ANK2: variants seen among roughly 807,000 people sequenced by gnomAD.
The protein encoded by ANK2 is ankyrin 2.
A neutral mutation model predicts 360.5 loss-of-function variants in ANK2; 83 were observed. The ratio of observed to expected loss-of-function variants is 0.23; its 90% CI spans 0.19 to 0.28. The LOEUF is 0.28. Among genes scored for constraint, ANK2 ranks in the 10% least tolerant of loss-of-function variants. The pLI, the probability that ANK2 is intolerant of heterozygous loss-of-function variation, is 1.00. For missense variants in ANK2, 4,201 were observed against 4,795.7 expected, an observed-to-expected ratio of 0.88 and a Z score of 3.66; for synonymous variants, 1,740 against 1,759.5, an observed-to-expected ratio of 0.99 and a Z score of 0.28.
chr4:112,962,344 CTCCA>C, intron 2 of ANK2, among the ~76,000 whole-genome samples: 1 of 152,232 alleles, frequency 6.6e-6, no homozygotes, highest in Non-Finnish European at 1.5e-5. Flanking sequence ...TGGGCTCCAT[CTCCA>C]TCCATGTTGC....
chr4:112,847,933 C>T (rs996746346), intron 1 of ANK2, among the ~76,000 whole-genome samples: 3 of 152,146 alleles, frequency 2.0e-5, no homozygotes, highest in African/African-American at 7.2e-5. Flanking sequence ...TTGCTTCTCT[C>T]ACACATGGCT....
chr4:113,127,914 C>T (rs1245863727), intron 1 of ANK2, among the ~76,000 whole-genome samples: 2 of 151,616 alleles, frequency 1.3e-5, no homozygotes, highest in Non-Finnish European at 2.9e-5. Context: ...TATCAGCACT[C>T]AACTAGGAAT....
At chr4:113,311,479 G>A (rs751762329) in intron 24 of ANK2, 80 bp downstream of exon 24, 29 of 1,539,646 alleles carry the variant, frequency 1.9e-5, no homozygotes, top group Non-Finnish European at 2.6e-5. Context: ...AAATGTAGAT[G>A]CAATTATTGA....
chr4:113,170,041 C>T (rs76677347), intron 1 of ANK2, among the ~76,000 whole-genome samples: 3,639 of 152,154 alleles, frequency 0.024, 65 homozygotes, highest in Non-Finnish European at 0.033. Flanking sequence ...ACAAACTATT[C>T]TTAATAACTT....
At chr4:112,945,523 C>T (rs908330130) in intron 2 of ANK2, among the ~76,000 whole-genome samples, 7 of 152,130 alleles carry the variant, frequency 4.6e-5, no homozygotes, top group South Asian at 2.1e-4. Flanking sequence ...TTCTAAGAAG[C>T]GGACTTGGGA....
chr4:112,735,101 C>G, the ANK2 span, among the ~76,000 whole-genome samples: 1 of 152,120 alleles, frequency 6.6e-6, no homozygotes, highest in African/African-American at 2.4e-5. Flanking sequence ...ATTTAAAATT[C>G]TGGCCAAGTG....
rs900614404 is a variant in ANK2 at position 113,158,200 on chromosome 4, G to C, written c.85-16216G>C. On this transcript the variant is annotated intron_variant, in intron 1 of 45. Transcript: ENST00000357077. ...GAAAAAATTCAAACATTTCAGTGAG[G>C]AATCACTGAAACTGAATAAATACAT... is the stretch of plus-strand genomic sequence containing the variant. 5.3e-5 allele frequency among the ~76,000 whole-genome samples: 8 copies of C among 152,140 alleles called. No homozygotes were observed. In the East Asian group the frequency reaches 1.5e-3, roughly 29 times the overall value.
At chr4:113,366,905 C>T (rs2096559306) in intron 41 of ANK2, among the ~76,000 whole-genome samples, 1 of 152,110 alleles carries the variant, frequency 6.6e-6, no homozygotes, top group Admixed American at 6.5e-5. Flanking sequence ...GCACTTATTA[C>T]ATAGTTGGTG....
intron 4 of ANK2, among the ~76,000 whole-genome samples, chr4:113,211,054 A>G (rs918372593): frequency 4.6e-5 from 7 of 152,236 alleles, no homozygotes; most frequent in Non-Finnish European, 8.8e-5. Context: ...AACAAAATCT[A>G]TAAGGACTGT....
chr4:113,061,490 T>C (rs954081626), intron 1 of ANK2, among the ~76,000 whole-genome samples: 33 of 152,048 alleles, frequency 2.2e-4, no homozygotes, highest in Non-Finnish European at 3.8e-4. Flanking sequence ...GAGCAATTAA[T>C]TTTTCGTTTC....
Position 113,181,388 on chromosome 4 carries a change from C to T in ANK2, c.186+6871C>T, listed in dbSNP as rs573375257. On this transcript the variant is annotated intron_variant, in intron 2 of 45. Coordinates refer to ENST00000357077, the MANE Select transcript of ANK2 (RefSeq NM_001148.6). ...CCTAGCTCATCTTAGATAGTAGAAT[C>T]GCAGCATTTTTTTCTGCCGGTCTGA... 1.2e-3 allele frequency among the ~76,000 whole-genome samples: 189 copies of T among 152,214 alleles called. 6 individuals are homozygous for T. In the South Asian group the frequency reaches 0.037, roughly 30 times the overall value.
intron 4 of ANK2, among the ~76,000 whole-genome samples, chr4:113,207,683 A>G (rs1167876339): frequency 8.5e-6 from 1 of 117,544 alleles, no homozygotes; most frequent in Non-Finnish European, 1.7e-5. Flanking sequence ...AAGGATCACA[A>G]AGCAAAAAAA....
intron 2 of ANK2, among the ~76,000 whole-genome samples, chr4:113,191,111 G>A (rs892016768): frequency 4.6e-5 from 7 of 152,152 alleles, no homozygotes; most frequent in African/African-American, 1.7e-4. Flanking sequence ...AGGCCGAGGT[G>A]GGAGGATCAC....
chr4:113,103,112 A>G (rs760761139), intron 1 of ANK2, among the ~76,000 whole-genome samples: 1 of 152,192 alleles, frequency 6.6e-6, no homozygotes, highest in Non-Finnish European at 1.5e-5. Flanking sequence ...CTGTTTCATC[A>G]TGCTCAACAT....
intron 4 of ANK2, among the ~76,000 whole-genome samples, chr4:113,228,861 G>A (rs56075451): frequency 0.04 from 6,096 of 152,190 alleles, 170 homozygotes; most frequent in Non-Finnish European, 0.056. Flanking sequence ...CTAAAAAACG[G>A]TTAAGTATCT....
chr4:112,852,006 C>G (rs1303042634), intron 1 of ANK2, among the ~76,000 whole-genome samples: 1 of 152,160 alleles, frequency 6.6e-6, no homozygotes, highest in African/African-American at 2.4e-5. Flanking sequence ...CCTAAGCACC[C>G]TAAATAGGTT....
At position 113,358,389 on chromosome 4, in the gene ANK2, T is replaced by C. The variant is rs768613959; in HGVS notation, c.9771T>C (p.Asp3257=). 6.2e-7 allele frequency: 1 copy of C among 1,614,042 alleles called. No individual in the cohort carries two copies. ...SSEPAVQVQL[D]FSTLTRSVYS... ...AACCAGCTGTACAAGTCCAGTTAGA[T>C]TTTTCCACACTCACCAGGTCTGTTT... is the stretch of plus-strand genomic sequence containing the variant. Residue 3257 remains aspartate, a synonymous_variant, in exon 38 of 46, where the codon GAT becomes GAC. Coordinates refer to ENST00000357077, the MANE Select transcript of ANK2 (RefSeq NM_001148.6).
At chr4:113,378,759 C>T (rs557687718) in intron 45 of ANK2, among the ~76,000 whole-genome samples, 17 of 152,256 alleles carry the variant, frequency 1.1e-4, no homozygotes, top group East Asian at 5.8e-4. Flanking sequence ...CACATTTTTA[C>T]GCTTATACAA....
chr4:113,086,338 G>A (rs2084752001), intron 1 of ANK2, among the ~76,000 whole-genome samples: 1 of 152,134 alleles, frequency 6.6e-6, no homozygotes, highest in Admixed American at 6.5e-5. Context: ...TCGAAAAGAG[G>A]TTTGACTCCC....
Sources: gnomAD v4.1 joint callset for allele counts (sites outside exome capture counted in the v4.1 genomes callset) on GRCh38, gnomAD v4.1.1 for gene constraint, MANE v1.5 for transcripts, NCBI Gene and HGNC (gene_info 2026-07-23, HGNC 2026-07-21) for gene names.